Variants in PARD3B observed in about 807,000 individuals in gnomAD.
PARD3B encodes the protein par-3 family cell polarity regulator beta, also known as partitioning defective 3 homolog B.
PARD3B carries 103 observed loss-of-function variants against 130.2 expected under a neutral mutation model. The observed-to-expected ratio is 0.79, with a 90% CI of 0.67 to 0.93. The LOEUF (loss-of-function observed/expected upper bound fraction) is 0.93. PARD3B is among the 40% of genes least tolerant of loss of function. The probability of loss-of-function intolerance (pLI) is 0.00; values close to 1 mark genes in which losing one functional copy is unlikely to be tolerated. For synonymous variants in PARD3B, 583 were observed against 553.2 expected (o/e 1.05, Z -0.76); for missense variants, 1,609 against 1,499.2 (o/e 1.07, Z -1.21).
Position 205,615,794 on chromosome 2 carries a change from C to T in PARD3B, c.3599C>T (p.Pro1200Leu). The change falls in exon 23 of 23, where the codon CCC becomes CTC. Residue 1200 changes from proline to leucine, a missense_variant. Transcript: ENST00000406610. ...YRTQDSRQKN[P>L]MTAAV ...ACCCAGGATTCCCGGCAGAAGAACC[C>T]CATGACTGCAGCCGTATAGCTGAGT... 1 of 1,613,564 alleles carries T rather than the reference C, an allele frequency of 6.2e-7. No individual in the cohort carries two copies. The highest frequency in any genetic ancestry group is 1.7e-5 in the Admixed American group (1 of 59,982).
chr2:204,612,302 A>AT (rs2033957816), intron 1 of PARD3B, among the ~76,000 whole-genome samples: 1 of 152,130 alleles, frequency 6.6e-6, no homozygotes, highest in Non-Finnish European at 1.5e-5. Context: ...GTTTGGCCTG[A>AT]TTTTTAAGCA....
intron 1 of PARD3B, among the ~76,000 whole-genome samples, chr2:204,589,467 G>A (rs950191455): frequency 6.6e-6 from 1 of 152,184 alleles, no homozygotes; most frequent in African/African-American, 2.4e-5. Context: ...AGCACTGGTT[G>A]ACTAAACGAA....
chr2:204,590,423 A>G (rs2033026880), intron 1 of PARD3B, among the ~76,000 whole-genome samples: 1 of 152,216 alleles, frequency 6.6e-6, no homozygotes, highest in Admixed American at 6.5e-5. Flanking sequence ...AACGTTGGCA[A>G]GAATGCTGTG....
In PARD3B at chr2:205,321,836, C is replaced by T. The variant is rs927690495; in HGVS notation, c.2630+20135C>T. On this transcript the variant is annotated intron_variant, in intron 18 of 22. Transcript: ENST00000406610. The surrounding 1 kb of genome is among the most constrained non-coding windows in gnomAD (Gnocchi z 4.2). ...GTAAATGAGTACAGATTTCCAAGAG[C>T]GAGGTGTACTTCTTTGACAATTAAT... Among the ~76,000 whole-genome samples, 6 of 152,082 alleles carry T rather than the reference C, an allele frequency of 3.9e-5. No homozygotes were observed. The highest frequency in any genetic ancestry group is 1.3e-4 in the Admixed American group (2 of 15,272).
At chr2:205,248,631 C>T (rs529556627) in intron 16 of PARD3B, among the ~76,000 whole-genome samples, 3 of 97,260 alleles carry the variant, frequency 3.1e-5, no homozygotes, top group Non-Finnish European at 5.6e-5. Context: ...TTTTTTGAGA[C>T]GGAGTGGCTC....
At chr2:205,495,327 C>A (rs2049884789) in intron 20 of PARD3B, among the ~76,000 whole-genome samples, 1 of 152,132 alleles carries the variant, frequency 6.6e-6, no homozygotes, top group Non-Finnish European at 1.5e-5. Context: ...ACATAAAATT[C>A]CAGCACATCG....
chr2:204,690,344 A>G (rs76748046), intron 2 of PARD3B, among the ~76,000 whole-genome samples: 2,290 of 152,216 alleles, frequency 0.015, 49 homozygotes, highest in African/African-American at 0.052. Context: ...AATCTCTACA[A>G]CCTGTGAATA....
At position 205,253,031 on chromosome 2, in the gene PARD3B, A is replaced by G. The variant is rs1296358653; in HGVS notation, c.2185+7209A>G. Among the ~76,000 whole-genome samples, 1 of 152,058 alleles carries G rather than the reference A, an allele frequency of 6.6e-6. No homozygotes were observed. The highest frequency in any genetic ancestry group is 6.6e-5 in the Admixed American group (1 of 15,266). On this transcript the variant is annotated intron_variant, in intron 16 of 22. Coordinates refer to ENST00000406610, the MANE Select transcript of PARD3B (RefSeq NM_001302769.2). The surrounding 1 kb of genome is among the most constrained non-coding windows in gnomAD (Gnocchi z 4.4). ...TAAGTAAAAAAGGGTATCCAACTTG[A>G]TTTTCATTGTACTTGTCAGCTATTG...
intron 3 of PARD3B, among the ~76,000 whole-genome samples, chr2:205,029,986 C>CA (rs1651307835): frequency 6.6e-6 from 1 of 152,116 alleles, no homozygotes; most frequent in Non-Finnish European, 1.5e-5. Flanking sequence ...TTGACCATAA[C>CA]ACAAAGCCAG....
At chr2:205,322,207 A>G (rs860269) in intron 18 of PARD3B, among the ~76,000 whole-genome samples, 1,597 of 152,364 alleles carry the variant, frequency 0.01, 16 homozygotes, top group South Asian at 0.04. Flanking sequence ...TAAATGTATT[A>G]TGAAAGTTAT....
intron 16 of PARD3B, among the ~76,000 whole-genome samples, chr2:205,257,282 C>G (rs1321176155): frequency 6.6e-6 from 1 of 151,912 alleles, no homozygotes; most frequent in Non-Finnish European, 1.5e-5. Flanking sequence ...GAGAACAAAG[C>G]CATTCAAAGT....
At chr2:205,402,887 A>G (rs1161446307) in intron 19 of PARD3B, among the ~76,000 whole-genome samples, 1 of 152,172 alleles carries the variant, frequency 6.6e-6, no homozygotes, top group African/African-American at 2.4e-5. Context: ...TGAGGAGTTG[A>G]TTTTATGGTT....
At chr2:205,111,362 A>G (rs1180619708) in intron 5 of PARD3B, among the ~76,000 whole-genome samples, 2 of 152,054 alleles carry the variant, frequency 1.3e-5, no homozygotes, top group Non-Finnish European at 2.9e-5. Context: ...TGAAAGGAGA[A>G]TCTCATAAAA....
chr2:205,304,876 T>C (rs2042136446), intron 18 of PARD3B, among the ~76,000 whole-genome samples: 1 of 151,926 alleles, frequency 6.6e-6, no homozygotes, highest in South Asian at 2.1e-4. Context: ...GCCTGGGAGG[T>C]AGAGGATACA....
chr2:204,867,376 A>G (rs1383382827), intron 2 of PARD3B, among the ~76,000 whole-genome samples: 2 of 152,188 alleles, frequency 1.3e-5, no homozygotes, highest in Non-Finnish European at 2.9e-5. Context: ...TGGTGGCTAC[A>G]TATATTTCTG....
intron 3 of PARD3B, among the ~76,000 whole-genome samples, chr2:204,978,663 T>TA (rs1297117810): frequency 2.0e-5 from 3 of 152,138 alleles, no homozygotes; most frequent in African/African-American, 7.2e-5. Context: ...CCAACATTCA[T>TA]AAAAATGACA....
intron 1 of PARD3B, among the ~76,000 whole-genome samples, chr2:204,656,835 T>C (rs968353020): frequency 2.6e-5 from 4 of 152,154 alleles, no homozygotes; most frequent in Non-Finnish European, 4.4e-5. Context: ...TGTCCTCATG[T>C]TGAGATTTTA....
At chr2:205,214,243 T>C (rs1337561229) in intron 15 of PARD3B, among the ~76,000 whole-genome samples, 4 of 152,128 alleles carry the variant, frequency 2.6e-5, no homozygotes, top group Non-Finnish European at 5.9e-5. Flanking sequence ...TTTGATTTTT[T>C]CATAAAACTG....
chr2:204,862,688 A>G (rs1220345316), intron 2 of PARD3B, among the ~76,000 whole-genome samples: 2 of 152,142 alleles, frequency 1.3e-5, no homozygotes, highest in African/African-American at 4.8e-5. Context: ...TGTTCTTGTC[A>G]CCAGAGCCTC....
Sources: allele counts gnomAD v4.1 joint callset (sites outside exome capture counted in the v4.1 genomes callset), GRCh38; gene constraint gnomAD v4.1.1; non-coding constraint Gnocchi (gnomAD v3.1); transcripts MANE v1.5; gene names NCBI Gene and HGNC (gene_info 2026-07-23, HGNC 2026-07-21).